CDC37L1: variants seen among roughly 807,000 people sequenced by gnomAD.
CDC37L1 encodes hsp90 co-chaperone Cdc37-like 1.
In CDC37L1, 32 loss-of-function variants were observed where a neutral mutation model predicts 45.9. The observed-to-expected ratio is 0.70, with a 90% CI of 0.53 to 0.94. The LOEUF is 0.94. Ranked by LOEUF, CDC37L1 falls within the 40% of genes least tolerant of loss-of-function variation. CDC37L1 has a pLI of 0.00. For synonymous variants in CDC37L1, 150 were observed against 133.0 expected, an observed-to-expected ratio of 1.13 and a Z score of -0.88; for missense variants, 434 against 405.7, an observed-to-expected ratio of 1.07 and a Z score of -0.60.
At chr9:4,695,911 C>G (rs369445936) in intron 3 of CDC37L1, among the ~76,000 whole-genome samples, 1 of 152,288 alleles carries the variant, frequency 6.6e-6, no homozygotes, top group East Asian at 1.9e-4. Flanking sequence ...GTGCCTCAGC[C>G]TTCCAAGTAG....
chr9:4,702,959 C>A, intron 6 of CDC37L1: 6 of 595,104 alleles, frequency 1.0e-5, no homozygotes, highest in Non-Finnish European at 1.5e-5. Context: ...AAAAAGGAGA[C>A]ATGATCAGAC....
At chr9:4,703,329 T>A (rs1242292346) in intron 6 of CDC37L1, 3 of 343,180 alleles carry the variant, frequency 8.7e-6, no homozygotes, top group Non-Finnish European at 1.5e-5. Flanking sequence ...AATATTATTA[T>A]CAGGAGTCTC....
At chr9:4,686,047 C>G (rs564925144) in intron 2 of CDC37L1, among the ~76,000 whole-genome samples, 7 of 152,250 alleles carry the variant, frequency 4.6e-5, no homozygotes, top group African/African-American at 1.7e-4. Flanking sequence ...CCTGTATTGC[C>G]TTAGTCCCAG....
intron 6 of CDC37L1, 91 bp from the exon 7 acceptor site, chr9:4,705,920 G>A (rs982622159): frequency 9.2e-6 from 5 of 542,080 alleles, no homozygotes; most frequent in South Asian, 3.1e-5. Context: ...GAAATAGGAC[G>A]GTGAAACTGA....
rs556714251 is a variant in CDC37L1, at chr9:4,707,084, A to T, written c.*972A>T. ...AAGGCAAGAGAAATCTTGTAGTGCT[A>T]ACTGCCTTGAGCTGCCAATTACCTA... is the stretch of plus-strand genomic sequence containing the variant. On this transcript the variant is annotated 3_prime_UTR_variant, in exon 7 of 7. Transcript: ENST00000381854. The T allele has an allele frequency of 6.6e-6, 1 of 152,318 alleles. No individual in the cohort carries two copies. Among genetic ancestry groups the T allele is most frequent in the Admixed American group, 6.5e-5 (1 of 15,304 alleles). The allele number at this position is 152,318 out of a possible 1,614,324, so 9.4% of individuals were successfully genotyped here.
At position 4,706,985 on chromosome 9, in the gene CDC37L1, T is replaced by G. The variant is rs926330447; in HGVS notation, c.*873T>G. On this transcript the variant is annotated 3_prime_UTR_variant, in exon 7 of 7. Transcript: ENST00000381854. The stretch of plus-strand genomic sequence containing the variant: ...TAGTTATTTTACTCATGTTGCCTTT[T>G]AATTTTTGTTATTTTGGTTTATTTT... The G allele has an allele frequency of 6.6e-6, 1 of 152,190 alleles. No individual in the cohort carries two copies. Among genetic ancestry groups the G allele is most frequent in the African/African-American group, 2.4e-5 (1 of 41,444 alleles). 9.4% of individuals were successfully genotyped at this position (152,190 alleles called of 1,614,324 possible). A position where few individuals can be genotyped will look rare whatever the true frequency, so the allele number is the denominator to read the frequency against.
intron 2 of CDC37L1, 118 bp from the exon 3 acceptor site, chr9:4,688,395 G>A (rs1033448559): frequency 2.0e-5 from 11 of 549,394 alleles, no homozygotes; most frequent in Non-Finnish European, 3.3e-5. Flanking sequence ...TGTAATATCA[G>A]TATGATACTA....
rs1177924752 is a variant in CDC37L1, at chr9:4,706,971, C to T, written c.*859C>T. ...GATTTTTAAATTTGTAGTTATTTTA[C>T]TCATGTTGCCTTTTAATTTTTGTTA... On this transcript the variant is annotated 3_prime_UTR_variant, in exon 7 of 7. Transcript: ENST00000381854. 6.6e-6 allele frequency: 1 copy of T among 152,106 alleles called. No individual in the cohort carries two copies. The highest frequency in any genetic ancestry group is 2.4e-5 in the African/African-American group (1 of 41,400). The allele number at this position is 152,106 out of a possible 1,614,324, so 9.4% of individuals were successfully genotyped here.
At chr9:4,701,225 C>A (rs556885256) in intron 5 of CDC37L1, among the ~76,000 whole-genome samples, 1 of 152,202 alleles carries the variant, frequency 6.6e-6, no homozygotes, top group African/African-American at 2.4e-5. Flanking sequence ...TAAACAGAGG[C>A]AGCTGCCAAT....
chr9:4,681,648 A>T (rs115348296), intron 1 of CDC37L1, among the ~76,000 whole-genome samples: 2,907 of 152,040 alleles, frequency 0.019, 82 homozygotes, highest in African/African-American at 0.064. Context: ...AAAAAAAAAA[A>T]TTTTTTTTGC....
intron 3 of CDC37L1, among the ~76,000 whole-genome samples, chr9:4,694,597 G>T (rs1841329552): frequency 6.6e-6 from 1 of 152,148 alleles, no homozygotes; most frequent in Non-Finnish European, 1.5e-5. Flanking sequence ...ATTTGGCAGG[G>T]AGTGGTGGCT....
chr9:4,689,119 G>A (rs1332715997), intron 3 of CDC37L1, among the ~76,000 whole-genome samples: 1 of 152,156 alleles, frequency 6.6e-6, no homozygotes, highest in Admixed American at 6.5e-5. Context: ...GTTGATACAA[G>A]TGAAGGCTTC....
chr9:4,679,693 T>G lies in CDC37L1; in HGVS notation c.-75T>G. On this transcript the variant is annotated 5_prime_UTR_variant, in exon 1 of 7. Transcript: ENST00000381854. ...TGGGCTTCTGGCTCGGCGCAGCAGGTTCCATTCACGCCAAGTCTGTTGGCA... is the reference window on the plus strand; with the variant it reads ...TGGGCTTCTGGCTCGGCGCAGCAGGGTCCATTCACGCCAAGTCTGTTGGCA... 7.1e-7 allele frequency: 1 copy of G among 1,407,204 alleles called. No individual in the cohort carries two copies. The allele number at this position is 1,407,204 out of a possible 1,614,324, so 87.2% of individuals were successfully genotyped here.
At position 4,679,850 on chromosome 9, in the gene CDC37L1, T is replaced by G. The variant is rs778406400; in HGVS notation, c.83T>G (p.Val28Gly). ...GEAEEESDFDVFPSSPRCPQL... is the reference protein window; with the variant it reads ...GEAEEESDFDGFPSSPRCPQL... ...GCTGAGGAAGAGAGTGACTTCGACG[T>G]GTTCCCCAGTTCTCCCCGCTGCCCG... Residue 28 changes from valine to glycine, a missense_variant, in exon 1 of 7, where the codon GTG becomes GGG. By Grantham distance (109) the Val-to-Gly change is moderately radical (BLOSUM62 -3). Coordinates refer to ENST00000381854, the MANE Select transcript of CDC37L1 (RefSeq NM_017913.4). 16 of 1,613,840 alleles carry G rather than the reference T, an allele frequency of 9.9e-6. No individual in the cohort carries two copies.
chr9:4,691,883 C>G (rs946810678), intron 3 of CDC37L1, among the ~76,000 whole-genome samples: 3 of 152,104 alleles, frequency 2.0e-5, no homozygotes, highest in Non-Finnish European at 4.4e-5. Context: ...AAAACAAAGG[C>G]TTTTATCTCT....
At chr9:4,689,726 G>A (rs570482856) in intron 3 of CDC37L1, among the ~76,000 whole-genome samples, 2 of 152,284 alleles carry the variant, frequency 1.3e-5, no homozygotes, top group Admixed American at 1.3e-4. Context: ...AAAATGAGCA[G>A]AGCCTTGAGT....
intron 5 of CDC37L1, among the ~76,000 whole-genome samples, chr9:4,700,858 A>C (rs1201164299): frequency 6.6e-6 from 1 of 152,344 alleles, no homozygotes; most frequent in East Asian, 1.9e-4. Context: ...TCATCACTCT[A>C]TATCTAAATC....
chr9:4,684,283 A>G (rs758814982), intron 1 of CDC37L1, among the ~76,000 whole-genome samples: 5 of 152,194 alleles, frequency 3.3e-5, no homozygotes, highest in Admixed American at 6.5e-5. Context: ...ACTCCATCAC[A>G]AAATATATAT....
chr9:4,691,163 T>C (rs922629441), intron 3 of CDC37L1, among the ~76,000 whole-genome samples: 4 of 152,182 alleles, frequency 2.6e-5, no homozygotes, highest in African/African-American at 9.7e-5. Context: ...TATTTTGTTT[T>C]TTTGTTGTTG....
Sources: gnomAD v4.1 joint callset for allele counts (sites outside exome capture counted in the v4.1 genomes callset) on GRCh38, gnomAD v4.1.1 for gene constraint, MANE v1.5 for transcripts, NCBI Gene and HGNC (gene_info 2026-07-23, HGNC 2026-07-21) for gene names.